CHRM5: variants seen among roughly 807,000 people sequenced by gnomAD.
CHRM5 encodes muscarinic acetylcholine receptor M5.
A neutral mutation model predicts 39.0 loss-of-function variants in CHRM5; 18 were observed. The observed-to-expected ratio is 0.46, with a 90% confidence interval of 0.32 to 0.68. The LOEUF (loss-of-function observed/expected upper bound fraction) is 0.68. Among genes scored for constraint, CHRM5 ranks in the 30% least tolerant of loss-of-function variants. The probability of loss-of-function intolerance (pLI) is 0.04; values close to 1 mark genes in which losing one functional copy is unlikely to be tolerated. For missense variants in CHRM5, 515 were observed against 651.1 expected, an observed-to-expected ratio of 0.79 and a Z score of 2.28; for synonymous variants, 241 against 246.3, an observed-to-expected ratio of 0.98 and a Z score of 0.20.
chr15:34,047,722 G>A (rs1899763317), intron 2 of CHRM5, among the ~76,000 whole-genome samples: 3 of 152,014 alleles, frequency 2.0e-5, no homozygotes, highest in Admixed American at 6.6e-5. Flanking sequence ...TGCTTTGTCA[G>A]TTGGTGGCCA....
At chr15:34,039,224 CGGCCGGCGTCCCGCAGGTGG>C (rs1047348640) in intron 1 of CHRM5, 59 of 410,402 alleles carry the variant, frequency 1.4e-4, no homozygotes, top group Non-Finnish European at 1.8e-4. Context: ...CGGGGCGGGG[CGGCCGGCGTCCCGCAGGTGG>C]GGCCGGAACC....
chr15:33,975,095 G>T (rs1895827337), intron 1 of CHRM5, among the ~76,000 whole-genome samples: 1 of 152,168 alleles, frequency 6.6e-6, no homozygotes, highest in South Asian at 2.1e-4. Flanking sequence ...GAGCAGATCT[G>T]CCCTGGTTGG....
intron 1 of CHRM5, among the ~76,000 whole-genome samples, chr15:33,969,777 A>G (rs574724380): frequency 1.3e-5 from 2 of 152,208 alleles, no homozygotes; most frequent in South Asian, 4.1e-4. Flanking sequence ...AAGAGGATAA[A>G]AAGATGAAAG....
In CHRM5 at chr15:34,063,021, G is replaced by A. The variant is rs878903159; in HGVS notation, c.304G>A (p.Ala102Thr). 6.2e-7 allele frequency: 1 copy of A among 1,614,064 alleles called. No homozygotes were observed. The highest frequency in any genetic ancestry group is 1.1e-5 in the South Asian group (1 of 91,088). ...LMGRWALGSL[A>T]CDLWLALDYV... ...GGGACGCTGGGCTCTCGGGAGTCTG[G>A]CTTGTGACCTTTGGCTTGCACTGGA... Residue 102 changes from alanine (A) to threonine (T), a missense_variant, in exon 3 of 3, where the codon GCT becomes ACT. Transcript: ENST00000383263. This position sits in a 1 kb window ranked among gnomAD's most constrained non-coding sequence, Gnocchi z 4.1.
intron 1 of CHRM5, among the ~76,000 whole-genome samples, chr15:33,984,811 T>C (rs545995551): frequency 1.0e-3 from 156 of 152,266 alleles, no homozygotes; most frequent in Non-Finnish European, 1.8e-3. Flanking sequence ...ATAGGGACCT[T>C]TGATGCAGTA....
At chr15:34,049,340 G>A (rs928165904) in intron 2 of CHRM5, among the ~76,000 whole-genome samples, 3 of 152,214 alleles carry the variant, frequency 2.0e-5, no homozygotes, top group African/African-American at 7.2e-5. Flanking sequence ...AGCCAGAGTA[G>A]CCAGTTTAGA....
chr15:34,057,570 G>T (rs1169273127), intron 2 of CHRM5, among the ~76,000 whole-genome samples: 1 of 152,154 alleles, frequency 6.6e-6, no homozygotes, highest in Admixed American at 6.6e-5. Context: ...ATGAGGTAAG[G>T]ACTGTTTTTA....
intron 1 of CHRM5, among the ~76,000 whole-genome samples, chr15:33,983,380 T>C (rs1449192081): frequency 6.6e-6 from 1 of 151,902 alleles, no homozygotes; most frequent in Non-Finnish European, 1.5e-5. Context: ...ATTAACCCCA[T>C]TCAGTTAACA....
chr15:34,039,020 T>C, intron 1 of CHRM5: 3 of 1,120,072 alleles, frequency 2.7e-6, no homozygotes, highest in South Asian at 7.5e-5. Flanking sequence ...GCCCACGGCC[T>C]CCCCGAGCTC....
intron 1 of CHRM5, among the ~76,000 whole-genome samples, chr15:34,025,762 G>A (rs1567474990): frequency 6.6e-6 from 1 of 152,090 alleles, no homozygotes; most frequent in Non-Finnish European, 1.5e-5. Context: ...TTTTGCGTGT[G>A]TGTGTGTGTT....
At chr15:33,997,470 A>T (rs148800612) in intron 1 of CHRM5, among the ~76,000 whole-genome samples, 2 of 152,244 alleles carry the variant, frequency 1.3e-5, no homozygotes, top group East Asian at 3.9e-4. Context: ...CTCCACACCA[A>T]CTCACAGCCA....
chr15:34,055,008 C>G (rs1209478671), intron 2 of CHRM5, among the ~76,000 whole-genome samples: 1 of 152,060 alleles, frequency 6.6e-6, no homozygotes, highest in Non-Finnish European at 1.5e-5. Flanking sequence ...GCCTGACCAA[C>G]ATGGAGAAAC....
chr15:34,026,454 T>G (rs142631596), intron 1 of CHRM5, among the ~76,000 whole-genome samples: 1 of 152,174 alleles, frequency 6.6e-6, no homozygotes, highest in Admixed American at 6.6e-5. Context: ...GGGAGATATG[T>G]TGAGAAAGGT....
At position 34,008,958 on chromosome 15, in the gene CHRM5, A is replaced by G. The variant is rs554197460; in HGVS notation, c.-407-37582A>G. 5.7e-3 allele frequency among the ~76,000 whole-genome samples: 840 copies of G among 148,380 alleles called. 19 individuals are homozygous for G. Among genetic ancestry groups the G allele is most frequent in the Admixed American group, 0.041 (618 of 14,974 alleles). On this transcript the variant is annotated intron_variant, in intron 1 of 2. Transcript: ENST00000383263. ...CACACTCACACGTGCGCGCGCGCAC[A>G]CACACACACACACACACAGACCATC... is the stretch of plus-strand genomic sequence containing the variant.
chr15:34,060,737 C>A (rs1900305601), intron 2 of CHRM5, among the ~76,000 whole-genome samples: 1 of 152,128 alleles, frequency 6.6e-6, no homozygotes, highest in South Asian at 2.1e-4. Flanking sequence ...ATTAGCCAGG[C>A]TTGGTGGCTG....
intron 1 of CHRM5, among the ~76,000 whole-genome samples, chr15:33,998,268 T>A (rs2140604043): frequency 6.6e-6 from 1 of 152,232 alleles, no homozygotes; most frequent in Non-Finnish European, 1.5e-5. Context: ...CCCTTATGAT[T>A]TTTGTCCCCT....
intron 1 of CHRM5, among the ~76,000 whole-genome samples, chr15:34,026,303 T>A (rs1898469520): frequency 6.6e-6 from 1 of 152,198 alleles, no homozygotes; most frequent in African/African-American, 2.4e-5. Context: ...TTTATTTTCT[T>A]CTTGGTATTT....
intron 1 of CHRM5, among the ~76,000 whole-genome samples, chr15:33,988,961 T>A (rs922659427): frequency 6.6e-6 from 1 of 152,206 alleles, no homozygotes; most frequent in African/African-American, 2.4e-5. Flanking sequence ...CACATTTGAT[T>A]TTTTTTTCCT....
At chr15:34,015,465 G>C (rs185900072) in intron 1 of CHRM5, among the ~76,000 whole-genome samples, 56 of 151,856 alleles carry the variant, frequency 3.7e-4, no homozygotes, top group African/African-American at 1.4e-3. Flanking sequence ...CTGGGTGACA[G>C]AGCGAGACTC....
Sources: allele counts gnomAD v4.1 joint callset (sites outside exome capture counted in the v4.1 genomes callset), GRCh38; gene constraint gnomAD v4.1.1; non-coding constraint Gnocchi (gnomAD v3.1); transcripts MANE v1.5; gene names NCBI Gene and HGNC (gene_info 2026-07-23, HGNC 2026-07-21).